The following EML6 variants were observed in gnomAD, a reference collection of about 807,000 sequenced individuals.
The protein encoded by EML6 is echinoderm microtubule-associated protein-like 6.
EML6 carries 154 observed loss-of-function variants against 240.1 expected under a neutral mutation model. That is an observed-to-expected ratio of 0.64 (90% CI 0.56 to 0.73). The LOEUF is 0.73. Ranked by LOEUF, EML6 falls within the 30% of genes least tolerant of loss-of-function variation. The pLI is 0.00. For missense variants in EML6, 2,964 were observed against 2,474.6 expected (o/e 1.20, Z -4.20); for synonymous variants, 1,148 against 899.0 (o/e 1.28, Z -4.95).
At chr2:54,760,088 C>T (rs868123327) in intron 2 of EML6, among the ~76,000 whole-genome samples, 2 of 151,736 alleles carry the variant, frequency 1.3e-5, no homozygotes, top group Non-Finnish European at 2.9e-5. Flanking sequence ...TCTCAGTTTC[C>T]ACTATTTTGT....
chr2:54,740,485 A>T (rs1683582248), intron 2 of EML6, among the ~76,000 whole-genome samples: 1 of 152,196 alleles, frequency 6.6e-6, no homozygotes, highest in South Asian at 2.1e-4. Context: ...TGCTTTTACT[A>T]CATAAACACT....
chr2:54,881,265 A>T (rs1671792254), intron 17 of EML6: 1 of 152,244 alleles, frequency 6.6e-6, no homozygotes, highest in Non-Finnish European at 1.5e-5. Flanking sequence ...GCATAATATT[A>T]ACAATGATAC....
chr2:54,764,607 T>C (rs1256756417), intron 2 of EML6, among the ~76,000 whole-genome samples: 2 of 152,226 alleles, frequency 1.3e-5, no homozygotes, highest in African/African-American at 4.8e-5. Context: ...GCTTTAACTT[T>C]GGGGAAGATA....
intron 7 of EML6, 45 bp from the exon 8 acceptor site, chr2:54,844,002 G>A (rs1558602883): frequency 8.1e-6 from 10 of 1,233,518 alleles, no homozygotes; most frequent in South Asian, 6.5e-5. Context: ...GTGTGTGTGT[G>A]TGAATAGTGT....
At chr2:54,912,386 C>A (rs942488457) in intron 25 of EML6, among the ~76,000 whole-genome samples, 10 of 152,112 alleles carry the variant, frequency 6.6e-5, no homozygotes, top group African/African-American at 2.2e-4. Flanking sequence ...CTGCCAGATA[C>A]TTTATACACC....
At chr2:54,957,205 T>C (rs561334125) in intron 32 of EML6, among the ~76,000 whole-genome samples, 1 of 152,268 alleles carries the variant, frequency 6.6e-6, no homozygotes, top group Admixed American at 6.5e-5. Flanking sequence ...GTTGGAATTT[T>C]ATTAAGACAA....
At chr2:54,822,729 C>G (rs558436123) in intron 5 of EML6, among the ~76,000 whole-genome samples, 1 of 152,002 alleles carries the variant, frequency 6.6e-6, no homozygotes. Context: ...AAGGACTTCT[C>G]CAAATGTTAA....
At chr2:54,910,825 C>G (rs1270084769) in intron 24 of EML6, 129 bp from the exon 25 acceptor site, 2 of 559,064 alleles carry the variant, frequency 3.6e-6, no homozygotes, top group Non-Finnish European at 6.6e-6. Flanking sequence ...CTGAATAATT[C>G]AAAATGTATT....
At chr2:54,843,619 C>T (rs1183753577) in intron 7 of EML6, among the ~76,000 whole-genome samples, 4 of 151,904 alleles carry the variant, frequency 2.6e-5, no homozygotes, top group African/African-American at 4.8e-5. Context: ...CCGAGGCGGG[C>T]GGATCACGAG....
At chr2:54,922,479 C>T (rs544876817) in intron 26 of EML6, among the ~76,000 whole-genome samples, 5 of 152,170 alleles carry the variant, frequency 3.3e-5, no homozygotes, top group East Asian at 1.9e-4. Context: ...TTATGGAAAA[C>T]GATATGGAGG....
At chr2:54,962,424 C>G (rs1032180119) in intron 35 of EML6, 99 bp from the exon 36 acceptor site, 1 of 931,150 alleles carries the variant, frequency 1.1e-6, no homozygotes, top group Non-Finnish European at 1.6e-6. Flanking sequence ...AGTCATCATT[C>G]TACTTTCTGT....
At chr2:54,820,662 A>G (rs376856997) in intron 5 of EML6, among the ~76,000 whole-genome samples, 200 bp downstream of exon 5, 4 of 152,320 alleles carry the variant, frequency 2.6e-5, no homozygotes, top group Non-Finnish European at 4.4e-5. Context: ...AGTAATGACA[A>G]TCAAGTGAAG....
intron 6 of EML6, 81 bp downstream of exon 6, chr2:54,827,832 C>G (rs997529858): frequency 4.9e-6 from 5 of 1,020,826 alleles, no homozygotes; most frequent in Non-Finnish European, 4.4e-6. Flanking sequence ...TGTTTCCCTT[C>G]TTGCTTTAGA....
In EML6 at chr2:54,871,836, G is replaced by A. The variant is rs7584654; in HGVS notation, c.2344+231G>A. On this transcript the variant is annotated intron_variant, in intron 16 of 41. Coordinates refer to ENST00000356458, the MANE Select transcript of EML6 (RefSeq NM_001039753.4). ...AAATGTGGCCTTTAGATTACACACC[G>A]CTTCCCATCTTCCTCATTTTCTGTC... 7.5e-3 allele frequency among the ~76,000 whole-genome samples: 1,147 copies of A among 152,316 alleles called. 10 individuals carry two copies. Among genetic ancestry groups the A allele is most frequent in the African/African-American group, 0.023 (957 of 41,560 alleles).
intron 2 of EML6, among the ~76,000 whole-genome samples, chr2:54,808,783 T>C (rs1178557398): frequency 6.6e-6 from 1 of 152,168 alleles, no homozygotes; most frequent in Non-Finnish European, 1.5e-5. Context: ...TCTTTTCTTT[T>C]TCACAAGATG....
Position 54,968,730 on chromosome 2 carries a change from T to C in EML6, c.5814T>C (p.Asp1938=), listed in dbSNP as rs140418202. ...TGACGAACATCCGTTTCTCTTATGA[T>C]GACAAGTATGTGGTCAGCACTGGAG... ...AHVTNIRFSY[D]DKYVVSTGGD... is the part of the protein sequence containing the mutation. Residue 1938 remains aspartate (D), a synonymous_variant, in exon 41 of 42, where the codon GAT becomes GAC. Transcript: ENST00000356458. 2.9e-4 allele frequency: 444 copies of C among 1,550,666 alleles called. 3 individuals are homozygous for C. In the East Asian group the frequency reaches 0.011, roughly 37 times the overall value.
rs575974835 is a variant in EML6, at chr2:54,816,991, AT to A, written c.456+112del. 12 of 690,058 alleles carry A rather than the reference AT, an allele frequency of 1.7e-5. No individual in the cohort carries two copies. The South Asian group carries it at 2.0e-4, about 11-fold the overall frequency. The allele number at this position is 690,058 out of a possible 1,614,324, so 42.7% of individuals were successfully genotyped here. On this transcript the variant is annotated intron_variant, in intron 4 of 41. Coordinates refer to ENST00000356458, the MANE Select transcript of EML6 (RefSeq NM_001039753.4). ...TTTAACAGTAAATATTTCAGTATACATTTTTTCCTATTAAACTTATAATCAT... is the reference window on the plus strand; with the variant it reads ...TTTAACAGTAAATATTTCAGTATACATTTTTCCTATTAAACTTATAATCAT...
chr2:54,931,027 G>C (rs898018674), intron 28 of EML6, among the ~76,000 whole-genome samples: 1 of 140,912 alleles, frequency 7.1e-6, no homozygotes, highest in Non-Finnish European at 1.5e-5. Context: ...GCGCGATCTC[G>C]GCTCACTGCA....
chr2:54,918,032 A>T (rs1674023465), intron 26 of EML6, among the ~76,000 whole-genome samples: 1 of 152,230 alleles, frequency 6.6e-6, no homozygotes, highest in Non-Finnish European at 1.5e-5. Context: ...TACAAAATTG[A>T]ATCATAGACG....
Sources: gnomAD v4.1 joint callset for allele counts (sites outside exome capture counted in the v4.1 genomes callset) on GRCh38, gnomAD v4.1.1 for gene constraint, MANE v1.5 for transcripts, NCBI Gene and HGNC (gene_info 2026-07-23, HGNC 2026-07-21) for gene names.